Variants in SEC24C observed in about 807,000 individuals in gnomAD.
SEC24C encodes protein transport protein Sec24C.
SEC24C carries 22 observed loss-of-function variants against 117.0 expected under a neutral mutation model. The ratio of observed to expected loss-of-function variants is 0.19; its 90% CI spans 0.13 to 0.27. SEC24C has a LOEUF of 0.27. SEC24C is among the 10% of genes least tolerant of loss of function. The pLI is 1.00. For synonymous variants in SEC24C, 506 were observed against 529.4 expected (o/e 0.96, Z 0.61); for missense variants, 1,155 against 1,375.1 (o/e 0.84, Z 2.53).
Position 73,746,973 on chromosome 10 carries a change from A to G in SEC24C, c.141A>G (p.Pro47=), listed in dbSNP as rs754912593. ...TTCCCTATGGAGCCTACAATGGCCC[A>G]GTACCAGGCTATCAGCAAACACCTC... ...PAIPYGAYNG[P]VPGYQQTPPQ... The change falls in exon 2 of 23, where the codon CCA becomes CCG. Residue 47 remains proline (P), a synonymous_variant. Transcript: ENST00000345254. 6.2e-7 allele frequency: 1 copy of G among 1,613,292 alleles called. No homozygotes were observed. The highest frequency in any genetic ancestry group is 8.5e-7 in the Non-Finnish European group (1 of 1,179,702).
Position 73,746,872 on chromosome 10 carries a change from G to C in SEC24C, c.40G>C (p.Gly14Arg), listed in dbSNP as rs1196206175. 6.2e-7 allele frequency: 1 copy of C among 1,612,672 alleles called. No individual in the cohort carries two copies. The highest frequency in any genetic ancestry group is 1.3e-5 in the African/African-American group (1 of 74,996). Residue 14 changes from glycine (G) to arginine (R), a missense_variant, in exon 2 of 23, where the codon GGG becomes CGG. By Grantham distance (125) the Gly-to-Arg change is moderately radical. Around this residue, in one of 2 missense-constraint regions of SEC24C, gnomAD observed 396 missense variants for 382.8 expected, o/e 1.03. Transcript: ENST00000345254. The stretch of plus-strand genomic sequence containing the variant: ...GTCAGTTCCACCTGTGCCACCATTT[G>C]GGCAGCCCCAGCCCATCTACCCAGG... ...NQSVPPVPPFGQPQPIYPGYH... is the reference protein window; with the variant it reads ...NQSVPPVPPFRQPQPIYPGYH...
chr10:73,757,850 A>C, intron 3 of SEC24C, among the ~76,000 whole-genome samples: 1 of 146,670 alleles, frequency 6.8e-6, no homozygotes, highest in Non-Finnish European at 1.5e-5. Flanking sequence ...CAGGAGGTCA[A>C]GGCTGCAGTG....
chr10:73,768,000 C>T lies in SEC24C; in HGVS notation c.2174C>T (p.Ser725Phe). 6.2e-7 allele frequency: 1 copy of T among 1,610,972 alleles called. No homozygotes were observed. The highest frequency in any genetic ancestry group is 8.5e-7 in the Non-Finnish European group (1 of 1,178,890). ...GGTGGCTCTGTCTACAAATATGCTT[C>T]CTTTCAGGTATGGTGTGGGATTTGG... ...LTGGSVYKYA[S>F]FQVENDQERF... Residue 725 changes from serine to phenylalanine, a missense_variant, in exon 15 of 23, where the codon TCC becomes TTC. Physicochemically the swap from Ser to Phe is radical, Grantham distance 155 (BLOSUM62 -2). Transcript: ENST00000345254.
intron 8 of SEC24C, among the ~76,000 whole-genome samples, chr10:73,764,340 C>G (rs374216779): frequency 6.6e-6 from 1 of 151,960 alleles, no homozygotes; most frequent in African/African-American, 2.4e-5. Context: ...CTGGCTAACA[C>G]GGTGAAACCC....
chr10:73,770,536 A>G, intron 21 of SEC24C, 65 bp downstream of exon 21: 1 of 1,577,474 alleles, frequency 6.3e-7, no homozygotes. Context: ...ATTGGGAGCC[A>G]ATATAGTTAG....
chr10:73,763,666 G>T (rs1347169715), intron 7 of SEC24C, 65 bp downstream of exon 7: 1 of 212,424 alleles, frequency 4.7e-6, no homozygotes. Context: ...TATGGTTGGG[G>T]CTTTTTTTTT....
intron 7 of SEC24C, 105 bp downstream of exon 7, chr10:73,763,706 T>TTTTTAAAAAA: frequency 1.5e-6 from 1 of 681,258 alleles, no homozygotes; most frequent in Non-Finnish European, 2.2e-6. Context: ...TTTTAGTTTT[T>TTTTTAAAAAA]AACCAGAGAC....
At position 73,769,867 on chromosome 10, in the gene SEC24C, C is replaced by A; in HGVS notation, c.2714C>A (p.Pro905Gln). 1 of 1,614,172 alleles carries A rather than the reference C, an allele frequency of 6.2e-7. No homozygotes were observed. Among genetic ancestry groups the A allele is most frequent in the South Asian group, 1.1e-5 (1 of 91,068 alleles). The change falls in exon 20 of 23, where the codon CCA becomes CAA. Residue 905 changes from proline (P) to glutamine (Q), a missense_variant. Coordinates refer to ENST00000345254, the MANE Select transcript of SEC24C (RefSeq NM_198597.3). The surrounding 1 kb of genome is among the most constrained non-coding windows in gnomAD (Gnocchi z 4.5). ...LILPECMKLL[P>Q]VYLNCVLKSD... ...CTTCCTGAGTGCATGAAGCTACTCC[C>A]AGTTTACCTGAACTGTGTGTTGAAG...
chr10:73,746,741 C>T (rs41280408), intron 1 of SEC24C, 64 bp from the exon 2 acceptor site: 41,672 of 1,123,254 alleles, frequency 0.037, 938 homozygotes, highest in Non-Finnish European at 0.044. Flanking sequence ...ATCTCTACTT[C>T]CTGCCCTGAA....
At position 73,770,269 on chromosome 10, in the gene SEC24C, C is replaced by T. The variant is rs772081024; in HGVS notation, c.2863-11C>T. On this transcript the variant is annotated splice_polypyrimidine_tract_variant and intron_variant, in intron 20 of 22. Transcript: ENST00000345254. ...TCCTTGGTAACCTTTTGCTCCCTTCCTTTTGTCTAGACAAAGTCTCCCGTT... is the reference window on the plus strand; with the variant it reads ...TCCTTGGTAACCTTTTGCTCCCTTCTTTTTGTCTAGACAAAGTCTCCCGTT... 2.5e-6 allele frequency: 4 copies of T among 1,590,842 alleles called. No homozygotes were observed. The highest frequency in any genetic ancestry group is 1.4e-5 in the African/African-American group (1 of 73,708).
chr10:73,769,361 C>T lies in SEC24C; in HGVS notation c.2439C>T (p.Tyr813=), dbSNP rs781057456. 1.2e-6 allele frequency: 2 copies of T among 1,613,956 alleles called. No homozygotes were observed. Among genetic ancestry groups the T allele is most frequent in the Non-Finnish European group, 1.7e-6 (2 of 1,179,960 alleles). ...CTTTCCCCTAGTGTGCCCTGCTTTACACCAGCTGTGCAGGGCAGCGTCGGC... is the reference window on the plus strand; with the variant it reads ...CTTTCCCCTAGTGTGCCCTGCTTTATACCAGCTGTGCAGGGCAGCGTCGGC... ...SGALLQCALL[Y]TSCAGQRRLR... is the part of the protein sequence containing the mutation. Residue 813 remains tyrosine (Y), a synonymous_variant, in exon 18 of 23, where the codon TAC becomes TAT. Transcript: ENST00000345254. This position sits in a 1 kb window ranked among gnomAD's most constrained non-coding sequence, Gnocchi z 4.5.
At position 73,760,338 on chromosome 10, in the gene SEC24C, C is replaced by T. The variant is rs2082778993; in HGVS notation, c.802C>T (p.Pro268Ser). Residue 268 changes from proline to serine, a missense_variant, in exon 5 of 23, where the codon CCA becomes TCA. Around this residue, in one of 2 missense-constraint regions of SEC24C, gnomAD observed 396 missense variants for 382.8 expected, o/e 1.03. Coordinates refer to ENST00000345254, the MANE Select transcript of SEC24C (RefSeq NM_198597.3). ...GATGACTGGGCCCCTGGGACCACTGCCACCTATGCACTCCCCGCAGCAGCC... is the reference window on the plus strand; with the variant it reads ...GATGACTGGGCCCCTGGGACCACTGTCACCTATGCACTCCCCGCAGCAGCC... ...TQMTGPLGPL[P>S]PMHSPQQPGY... 1 of 1,610,426 alleles carries T rather than the reference C, an allele frequency of 6.2e-7. No individual in the cohort carries two copies. Among genetic ancestry groups the T allele is most frequent in the South Asian group, 1.1e-5 (1 of 91,048 alleles).
At chr10:73,761,675 C>G (rs2082799492) in intron 6 of SEC24C, among the ~76,000 whole-genome samples, 1 of 152,120 alleles carries the variant, frequency 6.6e-6, no homozygotes, top group South Asian at 2.1e-4. Context: ...GATTAAGCAG[C>G]CTCTCCTTCC....
Position 73,751,195 on chromosome 10 carries a change from G to T in SEC24C, c.260G>T (p.Gly87Val). 1 of 1,614,202 alleles carries T rather than the reference G, an allele frequency of 6.2e-7. No individual in the cohort carries two copies. The highest frequency in any genetic ancestry group is 8.5e-7 in the Non-Finnish European group (1 of 1,180,026). The stretch of plus-strand genomic sequence containing the variant: ...GGCCAGGCTGCATATGGCCAGTTTG[G>T]CCAAGGAGATGTACAGAATGGGCCA... ...PCGQAAYGQF[G>V]QGDVQNGPSS... The change falls in exon 3 of 23, where the codon GGC (glycine) becomes GTC (valine). Residue 87 changes from glycine to valine, a missense_variant. Physicochemically the swap from Gly to Val is moderately radical, Grantham distance 109 (BLOSUM62 -3). Transcript: ENST00000345254.
rs369237247 is a variant in SEC24C, at chr10:73,765,595, T to C, written c.1366+6T>C. The C allele has an allele frequency of 8.1e-6, 13 of 1,612,242 alleles. No individual in the cohort carries two copies. The African/African-American group carries it at 1.2e-4, about 15-fold the overall frequency. On this transcript the variant is annotated splice_donor_region_variant and intron_variant, in intron 9 of 22. Coordinates refer to ENST00000345254, the MANE Select transcript of SEC24C (RefSeq NM_198597.3). ...TTGCAGCTGTATCAATGATGGTATG[T>C]TCATGGAAGCTGGGATTTGGGGGAA...
chr10:73,763,835 G>A (rs1339079248), intron 7 of SEC24C, 21 bp from the exon 8 acceptor site: 1 of 1,611,658 alleles, frequency 6.2e-7, no homozygotes, highest in African/African-American at 1.3e-5. Flanking sequence ...TCTGACTCGG[G>A]TCTTCTGCCT....
intron 3 of SEC24C, among the ~76,000 whole-genome samples, chr10:73,753,892 G>T (rs982907659): frequency 1.3e-5 from 2 of 152,020 alleles, no homozygotes; most frequent in Non-Finnish European, 2.9e-5. Flanking sequence ...CCCACAGTCT[G>T]CGTGCCCCAG....
At chr10:73,759,885 T>G in intron 4 of SEC24C, 91 bp downstream of exon 4, 2 of 1,486,844 alleles carry the variant, frequency 1.3e-6, no homozygotes. Flanking sequence ...ATTTCCCTTG[T>G]ATTTCCTGTG....
At chr10:73,763,773 G>A in intron 7 of SEC24C, 83 bp from the exon 8 acceptor site, 2 of 1,454,260 alleles carry the variant, frequency 1.4e-6, no homozygotes, top group Non-Finnish European at 9.3e-7. Flanking sequence ...GCTTTGTGGA[G>A]TTGATGGTGT....
Sources: gnomAD v4.1 joint callset for allele counts (sites outside exome capture counted in the v4.1 genomes callset) on GRCh38, gnomAD v4.1.1 for gene constraint, gnomAD v4.1.1 regional missense constraint, Gnocchi (gnomAD v3.1) non-coding constraint, MANE v1.5 for transcripts, NCBI Gene and HGNC (gene_info 2026-07-23, HGNC 2026-07-21) for gene names.